Variants in ATXN7 observed in about 807,000 individuals in gnomAD.
The protein encoded by ATXN7 is ataxin 7.
A neutral mutation model predicts 70.5 loss-of-function variants in ATXN7; 12 were observed. The observed-to-expected ratio is 0.17, with a 90% CI of 0.11 to 0.28. The LOEUF is 0.28. Ranked by LOEUF, ATXN7 falls within the 10% of genes least tolerant of loss-of-function variation. The pLI, the probability that ATXN7 is intolerant of heterozygous loss-of-function variation, is 1.00. For synonymous variants in ATXN7, 498 were observed against 448.7 expected (o/e 1.11, Z -1.39); for missense variants, 1,256 against 1,131.7 (o/e 1.11, Z -1.58).
At chr3:63,866,630 T>G (rs1173295327) in intron 1 of ATXN7, among the ~76,000 whole-genome samples, 1 of 152,222 alleles carries the variant, frequency 6.6e-6, no homozygotes, top group African/African-American at 2.4e-5. Flanking sequence ...TTTTGTCAGC[T>G]ACATGATTTT....
chr3:63,872,315 C>A (rs925693597), intron 1 of ATXN7, among the ~76,000 whole-genome samples: 1 of 152,282 alleles, frequency 6.6e-6, no homozygotes, highest in Non-Finnish European at 1.5e-5. Flanking sequence ...AAAACACATA[C>A]CATTTTATTT....
intron 1 of ATXN7, among the ~76,000 whole-genome samples, chr3:63,891,764 G>A (rs765500794): frequency 1.3e-5 from 2 of 152,196 alleles, no homozygotes; most frequent in African/African-American, 2.4e-5. Context: ...ATCACAAATA[G>A]TATTTACAAA....
At chr3:63,972,132 T>C (rs1170811678) in intron 5 of ATXN7, among the ~76,000 whole-genome samples, 1 of 152,174 alleles carries the variant, frequency 6.6e-6, no homozygotes, top group Non-Finnish European at 1.5e-5. Context: ...CTGCAGTTAT[T>C]TTTCAACCTG....
At chr3:63,945,615 C>G (rs766200100) in intron 4 of ATXN7, among the ~76,000 whole-genome samples, 13 of 152,216 alleles carry the variant, frequency 8.5e-5, no homozygotes, top group Non-Finnish European at 1.6e-4. Context: ...TAATATTTAG[C>G]ACATATTCAT....
chr3:64,000,218 ATTTT>A lies in ATXN7; in HGVS notation c.*759_*762del, dbSNP rs112759850. ...CATGATACAAAAGCAATTCTGTGTGATTTTTTTTTTTAAGAAGAAAGAAAATGCA... is the reference window on the plus strand; with the variant it reads ...CATGATACAAAAGCAATTCTGTGTGATTTTTTTAAGAAGAAAGAAAATGCA... On this transcript the variant is annotated 3_prime_UTR_variant, in exon 13 of 13. Coordinates refer to ENST00000674280, the MANE Select transcript of ATXN7 (RefSeq NM_001377405.1). 16 of 126,878 alleles carry A rather than the reference ATTTT, an allele frequency of 1.3e-4. No individual in the cohort carries two copies. Among genetic ancestry groups the A allele is most frequent in the Non-Finnish European group, 2.6e-4 (16 of 61,266 alleles). 7.9% of individuals were successfully genotyped at this position (126,878 alleles called of 1,614,324 possible).
At chr3:63,913,421 C>A (rs954998800) in intron 4 of ATXN7, among the ~76,000 whole-genome samples, 196 bp downstream of exon 4, 1 of 152,100 alleles carries the variant, frequency 6.6e-6, no homozygotes, top group African/African-American at 2.4e-5. Context: ...TGAGAGCGTC[C>A]GGAATCCTTC....
At chr3:63,865,592 GT>G (rs1702390620) in intron 1 of ATXN7, among the ~76,000 whole-genome samples, 1 of 151,914 alleles carries the variant, frequency 6.6e-6, no homozygotes, top group South Asian at 2.1e-4. Context: ...GATAGTTATT[GT>G]TTAGAAAGTA....
intron 4 of ATXN7, among the ~76,000 whole-genome samples, chr3:63,947,345 G>A (rs140196718): frequency 6.6e-6 from 1 of 152,248 alleles, no homozygotes; most frequent in East Asian, 1.9e-4. Context: ...CAGCACTTTG[G>A]GAGGCCAAGG....
At chr3:63,867,888 T>C (rs1430226269) in intron 1 of ATXN7, among the ~76,000 whole-genome samples, 3 of 151,962 alleles carry the variant, frequency 2.0e-5, no homozygotes, top group Non-Finnish European at 4.4e-5. Context: ...CTGAAATAAA[T>C]AAATAAATAA....
chr3:63,975,649 TGGATG>T (rs2075378224), intron 5 of ATXN7, among the ~76,000 whole-genome samples: 1 of 152,234 alleles, frequency 6.6e-6, no homozygotes, highest in African/African-American at 2.4e-5. Flanking sequence ...GGTGTGTACC[TGGATG>T]TTAATACTTA....
chr3:63,918,482 T>A lies in ATXN7; in HGVS notation c.394+5257T>A, dbSNP rs78958480. ...ATACAAAGTAGAGAAAATATTTTAATGATCCTCCTTGTATCCATCACACAG... is the reference window on the plus strand; with the variant it reads ...ATACAAAGTAGAGAAAATATTTTAAAGATCCTCCTTGTATCCATCACACAG... On this transcript the variant is annotated intron_variant, in intron 4 of 12. Transcript: ENST00000674280. Among the ~76,000 whole-genome samples the A allele has an allele frequency of 7.0e-3, 1,064 of 152,356 alleles. 17 individuals carry two copies. The highest frequency in any genetic ancestry group is 0.048 in the East Asian group (250 of 5,188).
rs1225526400 is a variant in ATXN7 at position 63,912,756 on chromosome 3, C to T, written c.158C>T (p.Pro53Leu). ...CCCCAGCGGCAGCAGCACCCGCCACCGCCGCCACGGCGCACACGGCCGGAG... is the reference window on the plus strand; with the variant it reads ...CCCCAGCGGCAGCAGCACCCGCCACTGCCGCCACGGCGCACACGGCCGGAG... ...PQPQRQQHPP[P>L]PPRRTRPEDG... The change falls in exon 3 of 13, where the codon CCG becomes CTG. Residue 53 changes from proline (P) to leucine (L), a missense_variant. Transcript: ENST00000674280. 3.8e-6 allele frequency: 5 copies of T among 1,320,840 alleles called. No homozygotes were observed. In the East Asian group the frequency reaches 1.3e-4, roughly 34 times the overall value. 81.8% of individuals were successfully genotyped at this position (1,320,840 alleles called of 1,614,324 possible). A position where few individuals can be genotyped will look rare whatever the true frequency, so the allele number is the denominator to read the frequency against.
chr3:63,928,324 CTTATATA>C (rs148131821), intron 4 of ATXN7, among the ~76,000 whole-genome samples: 3,475 of 152,122 alleles, frequency 0.023, 117 homozygotes, highest in East Asian at 0.14. Flanking sequence ...AAAACAGCTA[CTTATATA>C]TAGGATTTAG....
At chr3:63,920,360 A>G (rs1409770786) in intron 4 of ATXN7, among the ~76,000 whole-genome samples, 2 of 152,172 alleles carry the variant, frequency 1.3e-5, no homozygotes, top group African/African-American at 2.4e-5. Flanking sequence ...CATTTTACAG[A>G]TGAGGAAACT....
intron 5 of ATXN7, among the ~76,000 whole-genome samples, chr3:63,959,316 A>T (rs1028423288): frequency 1.3e-5 from 2 of 152,198 alleles, no homozygotes; most frequent in African/African-American, 4.8e-5. Context: ...TTTGCTTGGA[A>T]GACTTGTACC....
At chr3:63,935,614 A>T (rs1295612306) in intron 4 of ATXN7, among the ~76,000 whole-genome samples, 1 of 152,088 alleles carries the variant, frequency 6.6e-6, no homozygotes, top group Non-Finnish European at 1.5e-5. Context: ...ACTGGAACAT[A>T]CTGCTTCAAA....
intron 2 of ATXN7, among the ~76,000 whole-genome samples, chr3:63,910,729 G>A (rs1703981977): frequency 6.6e-6 from 1 of 152,082 alleles, no homozygotes. Context: ...ATTTTGATAA[G>A]GACAGGAAGT....
chr3:63,969,571 T>C lies in ATXN7; in HGVS notation c.500-10344T>C, dbSNP rs566707057. Among the ~76,000 whole-genome samples, 306 of 152,332 alleles carry C rather than the reference T, an allele frequency of 2.0e-3. 1 individual carries two copies. Among genetic ancestry groups the C allele is most frequent in the African/African-American group, 7.1e-3 (295 of 41,564 alleles). ...TATTCTCTCTCTTTTTATGTTTTTG[T>C]AAAAATTGGATTGGAGTGGTTAACG... On this transcript the variant is annotated intron_variant, in intron 5 of 12. Coordinates refer to ENST00000674280, the MANE Select transcript of ATXN7 (RefSeq NM_001377405.1).
chr3:63,987,298 T>A (rs2075593381), intron 8 of ATXN7, among the ~76,000 whole-genome samples: 1 of 152,224 alleles, frequency 6.6e-6, no homozygotes, highest in South Asian at 2.1e-4. Context: ...CTGCCATAAT[T>A]TGACTTTTCT....
Sources: gnomAD v4.1 joint callset for allele counts (sites outside exome capture counted in the v4.1 genomes callset) on GRCh38, gnomAD v4.1.1 for gene constraint, MANE v1.5 for transcripts, NCBI Gene and HGNC (gene_info 2026-07-23, HGNC 2026-07-21) for gene names.